Variants in USP28 observed in about 807,000 individuals in gnomAD.
The protein encoded by USP28 is ubiquitin carboxyl-terminal hydrolase 28.
A neutral mutation model predicts 145.0 loss-of-function variants in USP28; 113 were observed. The observed-to-expected ratio is 0.78, with a 90% CI of 0.67 to 0.91. The LOEUF is 0.91. USP28 is among the 40% of genes least tolerant of loss of function. The pLI is 0.00. For synonymous variants in USP28, 447 were observed against 450.9 expected, an observed-to-expected ratio of 0.99 and a Z score of 0.11; for missense variants, 1,201 against 1,289.6, an observed-to-expected ratio of 0.93 and a Z score of 1.05.
intron 15 of USP28, among the ~76,000 whole-genome samples, chr11:113,813,383 CT>C (rs1458484354): frequency 1.3e-5 from 2 of 152,296 alleles, no homozygotes; most frequent in Non-Finnish European, 2.9e-5. Flanking sequence ...CCTGGAGGCT[CT>C]TTACCCCTCC....
chr11:113,836,241 G>GA (rs1039434805), intron 5 of USP28, among the ~76,000 whole-genome samples: 4 of 152,102 alleles, frequency 2.6e-5, no homozygotes, highest in Non-Finnish European at 4.4e-5. Flanking sequence ...TAGAACTGCA[G>GA]AAAAATCCTT....
intron 11 of USP28, among the ~76,000 whole-genome samples, chr11:113,824,976 T>G (rs1943132625): frequency 1.3e-5 from 2 of 149,720 alleles, no homozygotes; most frequent in South Asian, 2.1e-4. Flanking sequence ...CAAACTGATC[T>G]GTAAGTTCAA....
At chr11:113,812,185 G>A (rs1391449915) in intron 16 of USP28, 91 bp downstream of exon 16, 11 of 827,954 alleles carry the variant, frequency 1.3e-5, no homozygotes, top group Non-Finnish European at 1.8e-5. Flanking sequence ...ATAGTAAGTT[G>A]TAAATTTTTT....
intron 1 of USP28, chr11:113,874,813 T>G (rs1949208874): frequency 9.3e-7 from 1 of 1,075,140 alleles, no homozygotes; most frequent in African/African-American, 1.7e-5. Context: ...TCTTAGACAT[T>G]GGGAACAGGA....
At chr11:113,824,774 A>T (rs558760765) in intron 11 of USP28, among the ~76,000 whole-genome samples, 1 of 151,860 alleles carries the variant, frequency 6.6e-6, no homozygotes, top group African/African-American at 2.4e-5. Context: ...TCTACTAAAA[A>T]TACAAAATTA....
chr11:113,825,715 TAAAG>T (rs1943208516), intron 11 of USP28, among the ~76,000 whole-genome samples: 1 of 152,184 alleles, frequency 6.6e-6, no homozygotes, highest in Non-Finnish European at 1.5e-5. Context: ...AACATTATCC[TAAAG>T]AAAGGACACA....
intron 12 of USP28, chr11:113,818,157 GT>G (rs1245985797): frequency 4.8e-3 from 775 of 162,572 alleles, no homozygotes; most frequent in South Asian, 0.011. Context: ...TTATTTTTTG[GT>G]TTTTTTTTTT....
chr11:113,809,078 A>T (rs776500351), exon 17 of USP28: 11 of 1,613,956 alleles, frequency 6.8e-6, no homozygotes, highest in Non-Finnish European at 9.3e-6. Context: ...GATGTAGAGT[A>T]GTCCTGTGAT....
chr11:113,799,829 G>A (rs1486252863), intron 24 of USP28, among the ~76,000 whole-genome samples: 2 of 151,946 alleles, frequency 1.3e-5, no homozygotes, highest in African/African-American at 2.4e-5. Context: ...TAGCTGATGA[G>A]GTTAAAAAAA....
chr11:113,842,289 T>C (rs768271174), intron 3 of USP28, among the ~76,000 whole-genome samples: 2 of 151,314 alleles, frequency 1.3e-5, no homozygotes, highest in Non-Finnish European at 2.9e-5. Flanking sequence ...AAAAATTACA[T>C]ATTAAGACCA....
At chr11:113,854,959 G>A (rs1946884487) in intron 1 of USP28, among the ~76,000 whole-genome samples, 1 of 152,178 alleles carries the variant, frequency 6.6e-6, no homozygotes, top group Admixed American at 6.5e-5. Flanking sequence ...GGGCATATAA[G>A]GAGTCCGGGG....
At chr11:113,803,762 G>T in intron 22 of USP28, 36 bp downstream of exon 23, 1 of 1,561,812 alleles carries the variant, frequency 6.4e-7, no homozygotes, top group Non-Finnish European at 8.8e-7. Flanking sequence ...ACAGCATCCT[G>T]ACTAATAATC....
chr11:113,862,286 G>T (rs1947774149), intron 1 of USP28, among the ~76,000 whole-genome samples: 1 of 152,208 alleles, frequency 6.6e-6, no homozygotes, highest in Non-Finnish European at 1.5e-5. Context: ...GGCGGAGGTT[G>T]CAGTGAGCTG....
At chr11:113,855,033 A>AT (rs1487749883) in intron 1 of USP28, among the ~76,000 whole-genome samples, 1 of 152,172 alleles carries the variant, frequency 6.6e-6, no homozygotes, top group Non-Finnish European at 1.5e-5. Context: ...AGTGTGTATC[A>AT]TTTTTCACTG....
exon 25 of USP28, chr11:113,799,370 T>A (rs748739776): frequency 6.2e-7 from 1 of 1,614,084 alleles, no homozygotes. Flanking sequence ...TGCAGAAGGA[T>A]CTAGAAGTCT....
chr11:113,817,780 A>C lies in USP28; in HGVS notation c.1341T>G (p.Tyr447Ter), dbSNP rs1302386314. The change falls in exon 13 of 25, where the codon TAT (tyrosine) becomes TAG (stop). Residue 447 changes from tyrosine (Y) to a stop codon, truncating the protein, a stop_gained. Coordinates refer to ENST00000003302, the Ensembl canonical transcript of USP28. LOFTEE classifies it high-confidence loss of function. ...GTTTTGTACTAGCAAATTCAATAACATATTTCAGCATGTCCGGGAGCGGGA... is the reference window on the plus strand; with the variant it reads ...GTTTTGTACTAGCAAATTCAATAACCTATTTCAGCATGTCCGGGAGCGGGA... 1 of 1,614,214 alleles carries C rather than the reference A, an allele frequency of 6.2e-7. No individual in the cohort carries two copies. The highest frequency in any genetic ancestry group is 1.7e-5 in the Admixed American group (1 of 60,026).
chr11:113,803,214 G>T (rs765859557), exon 23 of USP28: 2 of 1,614,072 alleles, frequency 1.2e-6, no homozygotes. Flanking sequence ...CCCCGGCGGG[G>T]CCCCTTCATC....
At chr11:113,804,227 G>C (rs1359956020) in intron 21 of USP28, among the ~76,000 whole-genome samples, 1 of 152,216 alleles carries the variant, frequency 6.6e-6, no homozygotes, top group African/African-American at 2.4e-5. Flanking sequence ...TGAAAATATG[G>C]AAGGACACGG....
chr11:113,808,335 G>A, exon 18 of USP28: 1 of 1,613,776 alleles, frequency 6.2e-7, no homozygotes. Flanking sequence ...CTTCTCATAG[G>A]CACGGGCTGT....
Sources: gnomAD v4.1 joint callset for allele counts (sites outside exome capture counted in the v4.1 genomes callset) on GRCh38, gnomAD v4.1.1 for gene constraint, MANE v1.5 for transcripts, NCBI Gene and HGNC (gene_info 2026-07-23, HGNC 2026-07-21) for gene names.